DOCK4: variants seen among roughly 807,000 people sequenced by gnomAD.
The protein encoded by DOCK4 is dedicator of cytokinesis protein 4.
A neutral mutation model predicts 268.1 loss-of-function variants in DOCK4; 97 were observed. The ratio of observed to expected loss-of-function variants is 0.36; its 90% confidence interval spans 0.31 to 0.43. The LOEUF (loss-of-function observed/expected upper bound fraction) is 0.43. DOCK4 is among the 20% of genes least tolerant of loss of function. The pLI, the probability that DOCK4 is intolerant of heterozygous loss-of-function variation, is 1.00. For missense variants in DOCK4, 2,145 were observed against 2,455.7 expected, an observed-to-expected ratio of 0.87 and a Z score of 2.67; for synonymous variants, 954 against 887.2, an observed-to-expected ratio of 1.08 and a Z score of -1.34.
intron 8 of DOCK4, among the ~76,000 whole-genome samples, chr7:111,970,654 T>C (rs150055225): frequency 1.3e-5 from 2 of 152,288 alleles, no homozygotes; most frequent in Admixed American, 1.3e-4. Context: ...CTAATAATTA[T>C]CTTTTATAGA....
chr7:112,159,383 T>G (rs189178042), intron 1 of DOCK4, among the ~76,000 whole-genome samples: 241 of 152,182 alleles, frequency 1.6e-3, no homozygotes, highest in Admixed American at 2.5e-3. Context: ...GTCCACCACC[T>G]TTATCACCAC....
At chr7:112,202,743 A>G (rs1256849303) in intron 1 of DOCK4, among the ~76,000 whole-genome samples, 1 of 152,000 alleles carries the variant, frequency 6.6e-6, no homozygotes, top group Admixed American at 6.6e-5. Context: ...TGGGCAACAG[A>G]GCAAAACCCT....
At chr7:112,158,341 CA>C (rs1227589812) in intron 1 of DOCK4, among the ~76,000 whole-genome samples, 1 of 152,148 alleles carries the variant, frequency 6.6e-6, no homozygotes, top group African/African-American at 2.4e-5. Context: ...TATGAATTTC[CA>C]ATAAATACTT....
intron 15 of DOCK4, among the ~76,000 whole-genome samples, chr7:111,896,197 C>G (rs1808733747): frequency 6.6e-6 from 1 of 152,168 alleles, no homozygotes; most frequent in African/African-American, 2.4e-5. Context: ...GAACTTCTTT[C>G]CCTATATCCA....
At chr7:111,800,770 C>T (rs1800216886) in intron 30 of DOCK4, among the ~76,000 whole-genome samples, 1 of 152,058 alleles carries the variant, frequency 6.6e-6, no homozygotes, top group South Asian at 2.1e-4. Flanking sequence ...AAATCAACCT[C>T]AGGAGAAGGC....
intron 1 of DOCK4, among the ~76,000 whole-genome samples, chr7:112,032,028 A>G (rs149953194): frequency 6.6e-6 from 1 of 152,326 alleles, no homozygotes; most frequent in African/African-American, 2.4e-5. Context: ...AAATACAAGT[A>G]CAAGCGCTGA....
intron 12 of DOCK4, among the ~76,000 whole-genome samples, chr7:111,929,181 T>C (rs1424917639): frequency 1.3e-5 from 2 of 152,152 alleles, no homozygotes; most frequent in Admixed American, 6.5e-5. Flanking sequence ...TGTACATATA[T>C]ACACACACAA....
intron 1 of DOCK4, among the ~76,000 whole-genome samples, chr7:112,202,141 A>G (rs1376350462): frequency 6.6e-6 from 1 of 152,218 alleles, no homozygotes; most frequent in Non-Finnish European, 1.5e-5. Context: ...GAACTGCTTC[A>G]ATGAACATGG....
chr7:112,048,835 G>C (rs899494240), intron 1 of DOCK4, among the ~76,000 whole-genome samples: 1 of 151,808 alleles, frequency 6.6e-6, no homozygotes, highest in African/African-American at 2.4e-5. Context: ...TGTTATGTAG[G>C]TAAACATGTG....
chr7:111,952,018 G>A (rs1162707682), intron 8 of DOCK4, among the ~76,000 whole-genome samples: 1 of 151,670 alleles, frequency 6.6e-6, no homozygotes, highest in Admixed American at 6.6e-5. Context: ...AGCTACTCAG[G>A]AGGTTGAGGC....
At chr7:112,052,457 T>C (rs542515301) in intron 1 of DOCK4, among the ~76,000 whole-genome samples, 2 of 152,266 alleles carry the variant, frequency 1.3e-5, no homozygotes, top group African/African-American at 4.8e-5. Context: ...TTTCCCCTTC[T>C]TCCCCCCCTC....
rs773474022 is a variant in DOCK4 at position 111,822,464 on chromosome 7, A to G, written c.2836-8T>C. On this transcript the variant is annotated splice_region_variant and splice_polypyrimidine_tract_variant and intron_variant, in intron 26 of 52. Transcript: ENST00000428084. ...TATCTGCAGCAGGAAATCCTTGGAT[A>G]AGGAGAAAATAGATCATTTTATTGG... 1 of 1,606,838 alleles carries G rather than the reference A, an allele frequency of 6.2e-7. No individual in the cohort carries two copies. The highest frequency in any genetic ancestry group is 2.2e-5 in the East Asian group (1 of 44,766).
intron 1 of DOCK4, among the ~76,000 whole-genome samples, chr7:112,078,071 G>C (rs541064898): frequency 8.5e-5 from 13 of 152,140 alleles, no homozygotes; most frequent in Middle Eastern, 6.8e-3. Context: ...ACAGAAAATT[G>C]TTCTCTACTA....
At chr7:111,841,872 G>C (rs140243327) in intron 25 of DOCK4, among the ~76,000 whole-genome samples, 13 of 152,308 alleles carry the variant, frequency 8.5e-5, no homozygotes, top group Middle Eastern at 3.4e-3. Context: ...GTATCCCATA[G>C]AGATTTGGTG....
chr7:111,887,164 T>C (rs1171194802), intron 16 of DOCK4, among the ~76,000 whole-genome samples: 5 of 152,070 alleles, frequency 3.3e-5, no homozygotes, highest in Non-Finnish European at 7.4e-5. Flanking sequence ...TTAGACATGG[T>C]GGGTAAATGT....
intron 1 of DOCK4, among the ~76,000 whole-genome samples, chr7:112,013,747 G>A (rs1801562038): frequency 6.6e-6 from 1 of 152,218 alleles, no homozygotes; most frequent in South Asian, 2.1e-4. Context: ...CAACTGCTGA[G>A]CTTCGGCTCA....
intron 1 of DOCK4, among the ~76,000 whole-genome samples, chr7:112,161,014 A>G (rs1312844773): frequency 1.3e-5 from 2 of 152,240 alleles, no homozygotes; most frequent in East Asian, 3.8e-4. Flanking sequence ...GAAAGACTTA[A>G]CAACTCAAGT....
chr7:111,975,320 A>C (rs560392712), intron 8 of DOCK4, among the ~76,000 whole-genome samples: 115 of 152,274 alleles, frequency 7.6e-4, no homozygotes, highest in Non-Finnish European at 1.2e-3. Flanking sequence ...CAAAAGAATA[A>C]CTTCAGTTCT....
intron 27 of DOCK4, among the ~76,000 whole-genome samples, chr7:111,817,012 A>G (rs1054909595): frequency 2.0e-5 from 3 of 152,152 alleles, no homozygotes; most frequent in African/African-American, 7.2e-5. Context: ...AACTCTTTTG[A>G]CCAGTACTCC....
Sources: gnomAD v4.1 joint callset for allele counts (sites outside exome capture counted in the v4.1 genomes callset) on GRCh38, gnomAD v4.1.1 for gene constraint, MANE v1.5 for transcripts, NCBI Gene and HGNC (gene_info 2026-07-23, HGNC 2026-07-21) for gene names.